The following COLEC10 variants were observed in gnomAD, a reference collection of about 807,000 sequenced individuals.
COLEC10 encodes the protein collectin subfamily member 10, also known as collectin-10.
COLEC10 carries 22 observed loss-of-function variants against 28.4 expected under a neutral mutation model. The ratio of observed to expected loss-of-function variants is 0.78; its 90% confidence interval spans 0.55 to 1.11. The LOEUF (loss-of-function observed/expected upper bound fraction) is 1.11. COLEC10 is among the 50% of genes least tolerant of loss of function. The pLI is 0.00. For synonymous variants in COLEC10, 125 were observed against 116.1 expected (o/e 1.08, Z -0.49); for missense variants, 361 against 344.1 (o/e 1.05, Z -0.39).
At chr8:119,064,432 A>G (rs1814915102), upstream of COLEC10, among the ~76,000 whole-genome samples, 2 of 152,212 alleles carry the variant, frequency 1.3e-5, no homozygotes, top group African/African-American at 2.4e-5. Context: ...TTTGAAAATA[A>G]ACAAATAGTG....
intron 2 of COLEC10, among the ~76,000 whole-genome samples, chr8:119,025,763 A>T (rs1433044206): frequency 2.6e-5 from 4 of 152,200 alleles, no homozygotes; most frequent in Non-Finnish European, 4.4e-5. Flanking sequence ...TGCAGCAGGT[A>T]TAGCCCCAAT....
chr8:119,019,629 G>A (rs1016569128), intron 2 of COLEC10, among the ~76,000 whole-genome samples: 1 of 152,010 alleles, frequency 6.6e-6, no homozygotes, highest in Non-Finnish European at 1.5e-5. Flanking sequence ...CAGGTAAGAG[G>A]CCTCTGCTCT....
At chr8:119,048,710 G>A (rs986081961) in intron 2 of COLEC10, among the ~76,000 whole-genome samples, 3 of 151,810 alleles carry the variant, frequency 2.0e-5, no homozygotes, top group East Asian at 1.9e-4. Context: ...TCCATCCCCC[G>A]ACTTGGAGCC....
Position 118,996,188 on chromosome 8 carries a change from A to G in COLEC10, n.122+615A>G, listed in dbSNP as rs117259557. Among the ~76,000 whole-genome samples the G allele has an allele frequency of 7.2e-5, 11 of 152,300 alleles. No homozygotes were observed. The East Asian group carries it at 2.1e-3, about 29-fold the overall frequency. ...AGCATAGTGTCCTCAAGGGTCATCC[A>G]TGTTGTTACACATGATAGTTTCCTT... On this transcript the variant is annotated intron_variant and non_coding_transcript_variant, in intron 1 of 6. Coordinates refer to the COLEC10 transcript ENST00000521788.
chr8:119,094,038 T>C (rs565934945), intron 3 of COLEC10, among the ~76,000 whole-genome samples: 9 of 152,302 alleles, frequency 5.9e-5, no homozygotes, highest in Non-Finnish European at 1.3e-4. Flanking sequence ...GTGACTTCCA[T>C]GTATACTTAT....
At chr8:118,965,799 T>TA in the COLEC10 span, among the ~76,000 whole-genome samples, 1 of 152,120 alleles carries the variant, frequency 6.6e-6, no homozygotes, top group African/African-American at 2.4e-5. Flanking sequence ...ATTCAATTGA[T>TA]ATTTTTTGAT....
At chr8:119,102,002 C>T (rs2465389) in intron 3 of COLEC10, among the ~76,000 whole-genome samples, 108,872 of 151,980 alleles carry the variant, frequency 0.72, 39,912 homozygotes, top group African/African-American at 0.87. Flanking sequence ...GTTAATAGGA[C>T]AGGTTACACA....
At chr8:118,962,347 A>G in the COLEC10 span, among the ~76,000 whole-genome samples, 1 of 152,236 alleles carries the variant, frequency 6.6e-6, no homozygotes, top group Non-Finnish European at 1.5e-5. Flanking sequence ...GAGTGCACAG[A>G]TAAACGTCTA....
chr8:119,009,049 C>G (rs1191846392), intron 1 of COLEC10, among the ~76,000 whole-genome samples: 2 of 150,974 alleles, frequency 1.3e-5, no homozygotes, highest in Non-Finnish European at 2.9e-5. Context: ...CGGGCAGTGC[C>G]TTTCGTACTG....
chr8:118,963,116 T>A, the COLEC10 span, among the ~76,000 whole-genome samples: 3 of 152,174 alleles, frequency 2.0e-5, no homozygotes, highest in African/African-American at 7.2e-5. Flanking sequence ...GTGGAAAGTC[T>A]AACAGTTACA....
At chr8:119,025,269 C>T (rs962898291) in intron 2 of COLEC10, among the ~76,000 whole-genome samples, 1 of 152,210 alleles carries the variant, frequency 6.6e-6, no homozygotes, top group Non-Finnish European at 1.5e-5. Context: ...CAGTCTTCAA[C>T]ATTTGCTTTT....
At chr8:118,957,413 G>T in the COLEC10 span, among the ~76,000 whole-genome samples, 3 of 152,306 alleles carry the variant, frequency 2.0e-5, no homozygotes, top group Admixed American at 6.5e-5. Context: ...TTCTGAAGAA[G>T]CCCCTTTTGA....
chr8:119,051,882 TCCTAGCTCTGCAC>T, intron 2 of COLEC10, among the ~76,000 whole-genome samples: 1 of 152,130 alleles, frequency 6.6e-6, no homozygotes, highest in Admixed American at 6.5e-5. Context: ...GGGGCTTGAA[TCCTAGCTCTGCAC>T]CTCAATTGCT....
intron 1 of COLEC10, among the ~76,000 whole-genome samples, chr8:119,006,358 C>T (rs1387554781): frequency 1.3e-5 from 2 of 152,076 alleles, no homozygotes; most frequent in African/African-American, 4.8e-5. Flanking sequence ...ATTAATAATG[C>T]AACCTTGTTT....
At chr8:119,098,012 A>G (rs939474079) in intron 3 of COLEC10, among the ~76,000 whole-genome samples, 5 of 152,108 alleles carry the variant, frequency 3.3e-5, no homozygotes, top group African/African-American at 1.2e-4. Flanking sequence ...CTCCACCTCC[A>G]GAACTCTTTT....
At chr8:118,957,117 A>G in the COLEC10 span, among the ~76,000 whole-genome samples, 1 of 152,206 alleles carries the variant, frequency 6.6e-6, no homozygotes, top group South Asian at 2.1e-4. Context: ...CAAATCAGGA[A>G]AGAAAGTATG....
chr8:119,003,554 T>C, intron 1 of COLEC10, among the ~76,000 whole-genome samples: 1 of 152,080 alleles, frequency 6.6e-6, no homozygotes, highest in South Asian at 2.1e-4. Context: ...AGTTGAGTTA[T>C]GTAAAGTTGG....
At chr8:119,054,257 A>C (rs1311649011) in intron 2 of COLEC10, among the ~76,000 whole-genome samples, 1 of 152,094 alleles carries the variant, frequency 6.6e-6, no homozygotes, top group Non-Finnish European at 1.5e-5. Context: ...TTATTTCTGG[A>C]ATTTTCCATT....
the COLEC10 span, among the ~76,000 whole-genome samples, chr8:118,978,339 A>G: frequency 6.6e-6 from 1 of 152,218 alleles, no homozygotes; most frequent in South Asian, 2.1e-4. Context: ...AGAAGTCTCA[A>G]ATATCCAACC....
Sources: gnomAD v4.1 joint callset for allele counts (sites outside exome capture counted in the v4.1 genomes callset) on GRCh38, gnomAD v4.1.1 for gene constraint, MANE v1.5 for transcripts, NCBI Gene and HGNC (gene_info 2026-07-23, HGNC 2026-07-21) for gene names.